The following ZNF503 variants were observed in gnomAD, a reference collection of about 807,000 sequenced individuals.
The protein encoded by ZNF503 is zinc finger protein 503.
Under a neutral mutation model 34.4 loss-of-function variants are expected in ZNF503, and 15 were observed. The observed-to-expected ratio is 0.44, with a 90% CI of 0.29 to 0.67. The LOEUF (loss-of-function observed/expected upper bound fraction) is 0.67. ZNF503 is among the 30% of genes least tolerant of loss of function. The pLI is 0.13. For synonymous variants in ZNF503, 580 were observed against 456.8 expected (o/e 1.27, Z -3.44); for missense variants, 1,007 against 926.8 (o/e 1.09, Z -1.12).
rs200506550 is a variant in ZNF503 at position 75,401,113 on chromosome 10, G to A, written c.307C>T (p.Pro103Ser). Reference sequence around the variant, plus strand: ...AGAGAGAGGGTCCTTACCTCGATGGGGCTGACCGGCGTGGAAGGCAGGGGC... The same window carrying A: ...AGAGAGAGGGTCCTTACCTCGATGGAGCTGACCGGCGTGGAAGGCAGGGGC... ...LQPLPSTPVSPIELDAKKSPL... is the reference protein window; with the variant it reads ...LQPLPSTPVSSIELDAKKSPL... Residue 103 changes from proline to serine, a missense_variant, in exon 1 of 2, where the codon CCC becomes TCC. Transcript: ENST00000372524. 2.5e-6 allele frequency: 4 copies of A among 1,613,498 alleles called. No homozygotes were observed. In the Admixed American group the frequency reaches 5.0e-5, roughly 20 times the overall value.
chr10:75,347,319 C>T, the ZNF503 span, among the ~76,000 whole-genome samples: 1 of 148,460 alleles, frequency 6.7e-6, no homozygotes, highest in Non-Finnish European at 1.5e-5. Context: ...GAAAATGTGA[C>T]CCCTCGACTT....
chr10:75,345,150 A>G, the ZNF503 span, among the ~76,000 whole-genome samples: 3 of 152,174 alleles, frequency 2.0e-5, no homozygotes, highest in Non-Finnish European at 4.4e-5. Context: ...AAGGGATGTG[A>G]CAAGGAATGC....
Position 75,398,974 on chromosome 10 carries a change from G to A in ZNF503, c.1716C>T (p.His572=). Residue 572 remains histidine, a synonymous_variant, in exon 2 of 2, where the codon CAC becomes CAT. Coordinates refer to ENST00000372524, the MANE Select transcript of ZNF503 (RefSeq NM_032772.6). ...ASAAAAAMAC[H]MHIPTSGAPG... Reference sequence around the variant, plus strand: ...GTGCGCCCGAGGTGGGGATGTGCATGTGGCAAGCCATGGCGGCCGCGGCAG... The same window carrying A: ...GTGCGCCCGAGGTGGGGATGTGCATATGGCAAGCCATGGCGGCCGCGGCAG... 1.2e-6 allele frequency: 2 copies of A among 1,605,452 alleles called. No homozygotes were observed. Among genetic ancestry groups the A allele is most frequent in the Non-Finnish European group, 1.7e-6 (2 of 1,179,148 alleles).
the ZNF503 span, among the ~76,000 whole-genome samples, chr10:75,315,698 C>A: frequency 6.6e-6 from 1 of 151,946 alleles, no homozygotes; most frequent in Admixed American, 6.6e-5. Flanking sequence ...TACAAAATAG[C>A]CAGAAAACAA....
chr10:75,356,615 ATCAT>A, the ZNF503 span, among the ~76,000 whole-genome samples: 6 of 152,236 alleles, frequency 3.9e-5, no homozygotes, highest in African/African-American at 1.4e-4. Context: ...GTGTAAGAAC[ATCAT>A]TCATTCAGTC....
chr10:75,343,690 G>A, the ZNF503 span, among the ~76,000 whole-genome samples: 63 of 152,202 alleles, frequency 4.1e-4, no homozygotes, highest in African/African-American at 1.4e-3. Context: ...GCTATGCTCA[G>A]CCCTCCCTGG....
At chr10:75,384,603 C>T in the ZNF503 span, among the ~76,000 whole-genome samples, 413 of 152,228 alleles carry the variant, frequency 2.7e-3, 1 homozygote, top group Non-Finnish European at 4.8e-3. Context: ...AGCTGGGTAG[C>T]TACCCAGCCA....
At chr10:75,342,217 A>C in the ZNF503 span, among the ~76,000 whole-genome samples, 1 of 152,072 alleles carries the variant, frequency 6.6e-6, no homozygotes, top group Non-Finnish European at 1.5e-5. Context: ...AAGTCATCAG[A>C]GGCATTGTTA....
rs764029841 is a variant in ZNF503, at chr10:75,399,985, G to C, written c.705C>G (p.Ala235=). ...AGGACAGCATACCTCCCGGCGAGCA[G>C]GCCGAGGCGCTGGAGCTCGGGCTGC... ...RTGSPSSSAS[A]CSPGGMLSSA... Residue 235 remains alanine, a synonymous_variant, in exon 2 of 2, where the codon GCC becomes GCG. Coordinates refer to ENST00000372524, the MANE Select transcript of ZNF503 (RefSeq NM_032772.6). 12 of 1,606,238 alleles carry C rather than the reference G, an allele frequency of 7.5e-6. No homozygotes were observed. In the East Asian group the frequency reaches 2.5e-4, roughly 33 times the overall value.
the ZNF503 span, among the ~76,000 whole-genome samples, chr10:75,330,581 G>C: frequency 2.0e-5 from 3 of 152,104 alleles, no homozygotes; most frequent in Non-Finnish European, 4.4e-5. Flanking sequence ...ATCTTGGTAG[G>C]TTGTATGTGT....
At chr10:75,319,679 T>C in the ZNF503 span, among the ~76,000 whole-genome samples, 3 of 152,196 alleles carry the variant, frequency 2.0e-5, no homozygotes, top group Non-Finnish European at 4.4e-5. Context: ...CTAGATATAA[T>C]TAAAAGACAG....
chr10:75,379,401 G>T, the ZNF503 span, among the ~76,000 whole-genome samples: 1 of 152,208 alleles, frequency 6.6e-6, no homozygotes, highest in Non-Finnish European at 1.5e-5. Flanking sequence ...AATGTCATTT[G>T]CTTGATGCAG....
At chr10:75,335,475 A>G in the ZNF503 span, among the ~76,000 whole-genome samples, 6 of 152,206 alleles carry the variant, frequency 3.9e-5, no homozygotes, top group South Asian at 2.1e-4. Context: ...AACCAGGCCA[A>G]TTACATTAGA....
chr10:75,401,633 C>G lies in ZNF503; in HGVS notation c.-214G>C, dbSNP rs1438676513. 3.4e-6 allele frequency: 2 copies of G among 583,004 alleles called. No homozygotes were observed. The highest frequency in any genetic ancestry group is 7.4e-5 in the Admixed American group (2 of 26,974). 36.1% of individuals were successfully genotyped at this position (583,004 alleles called of 1,614,324 possible). ...CGGAGCCGTGGCCGGGCTAGAGGAG[C>G]CGGCTGGACTGCGGGAGTGCCGGGC... On this transcript the variant is annotated 5_prime_UTR_variant, in exon 1 of 2. Transcript: ENST00000372524.
the ZNF503 span, among the ~76,000 whole-genome samples, chr10:75,381,250 G>C: frequency 6.6e-6 from 1 of 152,110 alleles, no homozygotes; most frequent in Admixed American, 6.6e-5. Context: ...TTGAGACAGG[G>C]TCTTGCTCTG....
chr10:75,399,124 G>A lies in ZNF503; in HGVS notation c.1566C>T (p.Asn522=), dbSNP rs761586463. The change falls in exon 2 of 2, where the codon AAC becomes AAT. Residue 522 remains asparagine, a synonymous_variant. Transcript: ENST00000372524. The part of the protein sequence containing the change: ...LPHICNWVSA[N]GPCDKRFATS... ...TGGCGAAGCGCTTGTCGCACGGCCC[G>A]TTGGCCGACACCCAGTTGCAGATGT... The A allele has an allele frequency of 1.2e-4, 188 of 1,613,542 alleles. No individual in the cohort carries two copies. The highest frequency in any genetic ancestry group is 1.5e-4 in the Non-Finnish European group (176 of 1,179,800).
the ZNF503 span, among the ~76,000 whole-genome samples, chr10:75,375,375 C>A: frequency 6.6e-6 from 1 of 152,132 alleles, no homozygotes. Context: ...CCTGTCTCAG[C>A]CTCCCAAAGT....
chr10:75,312,080 G>A, the ZNF503 span, among the ~76,000 whole-genome samples: 1 of 152,034 alleles, frequency 6.6e-6, no homozygotes, highest in Non-Finnish European at 1.5e-5. Flanking sequence ...GTTTATCATG[G>A]CTGCTTTCAA....
chr10:75,398,488 T>A lies in ZNF503; in HGVS notation c.*261A>T. 1 of 370,676 alleles carries A rather than the reference T, an allele frequency of 2.7e-6. No individual in the cohort carries two copies. The highest frequency in any genetic ancestry group is 4.8e-6 in the Non-Finnish European group (1 of 209,360). The allele number at this position is 370,676 out of a possible 1,614,324, so 23.0% of individuals were successfully genotyped here. ...ACTTTCTCAATTATTTTTTCCTTTT[T>A]TTTTCTATAAAAAGTCAAATGATAT... On this transcript the variant is annotated 3_prime_UTR_variant, in exon 2 of 2. Transcript: ENST00000372524.
Sources: gnomAD v4.1 joint callset for allele counts (sites outside exome capture counted in the v4.1 genomes callset) on GRCh38, gnomAD v4.1.1 for gene constraint, MANE v1.5 for transcripts, NCBI Gene and HGNC (gene_info 2026-07-23, HGNC 2026-07-21) for gene names.